The following SLC4A5 variants were observed in gnomAD, a reference collection of about 807,000 sequenced individuals.
The protein encoded by SLC4A5 is solute carrier family 4 member 5.
A neutral mutation model predicts 120.4 loss-of-function variants in SLC4A5; 96 were observed. That is an observed-to-expected ratio of 0.80 (90% CI 0.68 to 0.94). The LOEUF is 0.94. Among genes scored for constraint, SLC4A5 ranks in the 40% least tolerant of loss-of-function variants. The pLI is 0.00. For synonymous variants in SLC4A5, 550 were observed against 571.1 expected (o/e 0.96, Z 0.53); for missense variants, 1,259 against 1,459.5 (o/e 0.86, Z 2.24).
At chr2:74,294,085 C>T (rs1028992896) in intron 7 of SLC4A5, among the ~76,000 whole-genome samples, 4 of 152,156 alleles carry the variant, frequency 2.6e-5, no homozygotes, top group Admixed American at 2.6e-4. Context: ...ATGTGCATGG[C>T]CAGCCCCCCA....
At chr2:74,332,703 T>TTGTGTGTGTGTG (rs3834171) in intron 4 of SLC4A5, among the ~76,000 whole-genome samples, 131 of 148,294 alleles carry the variant, frequency 8.8e-4, no homozygotes, top group African/African-American at 3.2e-3. Flanking sequence ...GGGTGTCCAT[T>TTGTGTGTGTGTG]TGTGTGTGTG....
intron 26 of SLC4A5, chr2:74,227,492 G>T (rs752931017): frequency 2.5e-6 from 4 of 1,605,666 alleles, no homozygotes; most frequent in Middle Eastern, 1.7e-4. Context: ...TTAGGGAAGA[G>T]AGAGAGGTAC....
intron 4 of SLC4A5, among the ~76,000 whole-genome samples, chr2:74,328,611 T>C (rs772572665): frequency 6.6e-6 from 1 of 152,124 alleles, no homozygotes; most frequent in South Asian, 2.1e-4. Flanking sequence ...TAATGAAAAA[T>C]TGAGGCCCAG....
intron 29 of SLC4A5, among the ~76,000 whole-genome samples, chr2:74,222,438 GTCT>G (rs1234080171): frequency 2.0e-5 from 3 of 152,176 alleles, no homozygotes; most frequent in Non-Finnish European, 4.4e-5. Flanking sequence ...AAGGACAAAG[GTCT>G]TCTAGCGCAG....
At chr2:74,299,307 C>T (rs11688964) in intron 7 of SLC4A5, among the ~76,000 whole-genome samples, 12 of 152,244 alleles carry the variant, frequency 7.9e-5, no homozygotes, top group East Asian at 1.9e-4. Flanking sequence ...GCTGAGATTG[C>T]GCCATTGCAC....
chr2:74,244,646 T>C (rs1670554908), intron 19 of SLC4A5, among the ~76,000 whole-genome samples: 1 of 152,096 alleles, frequency 6.6e-6, no homozygotes, highest in African/African-American at 2.4e-5. Flanking sequence ...AGGGTCTGGC[T>C]ATGTTGTCCA....
At chr2:74,300,364 G>C (rs1415768825) in intron 7 of SLC4A5, among the ~76,000 whole-genome samples, 1 of 152,218 alleles carries the variant, frequency 6.6e-6, no homozygotes, top group Non-Finnish European at 1.5e-5. Context: ...AGGTAACTAT[G>C]AGTGGTGATG....
At chr2:74,291,106 T>A (rs1432237944) in intron 7 of SLC4A5, among the ~76,000 whole-genome samples, 1 of 152,202 alleles carries the variant, frequency 6.6e-6, no homozygotes, top group Non-Finnish European at 1.5e-5. Context: ...TGTAGCTGGT[T>A]TCTTTCCTCC....
chr2:74,331,233 G>A (rs1673359554), intron 4 of SLC4A5, among the ~76,000 whole-genome samples: 2 of 151,360 alleles, frequency 1.3e-5, no homozygotes. Flanking sequence ...GGTGAGGGTG[G>A]TGAGGTCTAG....
intron 5 of SLC4A5, among the ~76,000 whole-genome samples, chr2:74,326,154 T>A (rs925316244): frequency 1.9e-4 from 29 of 152,248 alleles, no homozygotes; most frequent in Middle Eastern, 3.4e-3. Flanking sequence ...AATAAAAAAA[T>A]TTTAAAAACC....
Position 74,233,547 on chromosome 2 carries a change from CG to C in SLC4A5, c.2449del (p.Arg817GlufsTer26). The C allele has an allele frequency of 2.5e-6, 4 of 1,613,412 alleles. No individual in the cohort carries two copies. The highest frequency in any genetic ancestry group is 2.5e-6 in the Non-Finnish European group (3 of 1,179,788). On this transcript the variant is annotated frameshift_variant, in exon 23 of 31. Coordinates refer to ENST00000394019, the Ensembl canonical transcript of SLC4A5. LOFTEE classifies it high-confidence loss of function. ...CCCAAAGGGGGCCACGAACCAGCCT[CG>C]GTCAGGCCGCGTTGGCTGAGTGGGA... is the stretch of plus-strand genomic sequence containing the variant.
chr2:74,220,243 G>T (rs1383745950), intron 30 of SLC4A5, among the ~76,000 whole-genome samples: 3 of 152,172 alleles, frequency 2.0e-5, no homozygotes, highest in Non-Finnish European at 4.4e-5. Context: ...TTCACGGGTG[G>T]CTTCTCATGA....
chr2:74,311,517 A>T (rs1227694300), intron 6 of SLC4A5, among the ~76,000 whole-genome samples: 2 of 152,198 alleles, frequency 1.3e-5, no homozygotes, highest in African/African-American at 4.8e-5. Flanking sequence ...CATTTAGTCC[A>T]AAATATTTTT....
intron 15 of SLC4A5, 100 bp from the exon 16 acceptor site, chr2:74,252,488 G>A: frequency 7.0e-7 from 1 of 1,429,104 alleles, no homozygotes; most frequent in Non-Finnish European, 9.5e-7. Context: ...CAAAAATGCA[G>A]AAAATTGTCT....
chr2:74,307,110 A>G, intron 6 of SLC4A5: 1 of 555,066 alleles, frequency 1.8e-6, no homozygotes, highest in Non-Finnish European at 3.4e-6. Context: ...CAAGGACTGG[A>G]CTGTACGTCT....
exon 27 of SLC4A5, chr2:74,227,120 C>A (rs766904370): frequency 6.2e-7 from 1 of 1,611,760 alleles, no homozygotes; most frequent in South Asian, 1.1e-5. Flanking sequence ...GAGCTTGCAG[C>A]GTTCCCAGAA....
chr2:74,283,679 CAG>C (rs764619773), intron 8 of SLC4A5, among the ~76,000 whole-genome samples: 5 of 152,160 alleles, frequency 3.3e-5, no homozygotes, highest in Non-Finnish European at 7.3e-5. Context: ...GGCCCCCATG[CAG>C]AGACAGACCT....
Position 74,227,889 on chromosome 2 carries a change from A to G in SLC4A5, c.2848-11T>C. 6.3e-7 allele frequency: 1 copy of G among 1,598,666 alleles called. No individual in the cohort carries two copies. Among genetic ancestry groups the G allele is most frequent in the South Asian group, 1.1e-5 (1 of 88,358 alleles). On this transcript the variant is annotated splice_polypyrimidine_tract_variant and intron_variant, in intron 25 of 30. Coordinates refer to ENST00000394019, the Ensembl canonical transcript of SLC4A5. ...CGGCAGGGGGATACACTAAAATGAGAGCAGAGCTTTGGATCGGCCTCTGCC... is the reference window on the plus strand; with the variant it reads ...CGGCAGGGGGATACACTAAAATGAGGGCAGAGCTTTGGATCGGCCTCTGCC...
intron 5 of SLC4A5, among the ~76,000 whole-genome samples, chr2:74,322,896 T>A (rs1673131071): frequency 6.6e-6 from 1 of 152,102 alleles, no homozygotes; most frequent in Non-Finnish European, 1.5e-5. Flanking sequence ...CACCTGTCAA[T>A]GAATAGAAAT....
Sources: gnomAD v4.1 joint callset for allele counts (sites outside exome capture counted in the v4.1 genomes callset) on GRCh38, gnomAD v4.1.1 for gene constraint, MANE v1.5 for transcripts, NCBI Gene and HGNC (gene_info 2026-07-23, HGNC 2026-07-21) for gene names.